Variants in SLC24A2 observed in about 807,000 individuals in gnomAD.
SLC24A2 encodes solute carrier family 24 member 2, also known as sodium/potassium/calcium exchanger 2.
SLC24A2 carries 36 observed loss-of-function variants against 62.0 expected under a neutral mutation model. The observed-to-expected ratio is 0.58, with a 90% CI of 0.44 to 0.77. The LOEUF is 0.77. Among genes scored for constraint, SLC24A2 ranks in the 30% least tolerant of loss-of-function variants. The pLI is 0.00. For synonymous variants in SLC24A2, 358 were observed against 294.0 expected (o/e 1.22, Z -2.23); for missense variants, 846 against 817.9 (o/e 1.03, Z -0.42).
chr9:20,082,139 C>T, the SLC24A2 span, among the ~76,000 whole-genome samples: 7 of 152,162 alleles, frequency 4.6e-5, no homozygotes, highest in Admixed American at 6.5e-5. Flanking sequence ...TTCCAGTTGA[C>T]TCAGATTTTA....
chr9:19,793,092 A>C (rs116928458), upstream of SLC24A2, among the ~76,000 whole-genome samples: 3,295 of 152,316 alleles, frequency 0.022, 37 homozygotes, highest in Admixed American at 0.035. Flanking sequence ...TGGCTAACAC[A>C]TATCTGTGGA....
At chr9:19,856,498 TTGTTGC>T in the SLC24A2 span, among the ~76,000 whole-genome samples, 2 of 151,874 alleles carry the variant, frequency 1.3e-5, no homozygotes, top group African/African-American at 4.9e-5. Flanking sequence ...TATGTTGTTG[TTGTTGC>T]TGTTTATCTG....
rs1457938737 is a variant in SLC24A2, at chr9:19,515,682, A to G, written c.*471T>C. 6.6e-6 allele frequency: 1 copy of G among 151,886 alleles called. No individual in the cohort carries two copies. The highest frequency in any genetic ancestry group is 2.4e-5 in the African/African-American group (1 of 41,314). 9.4% of individuals were successfully genotyped at this position (151,886 alleles called of 1,614,324 possible). ...TGAAAAGATGCATTTGTACTTTTAT[A>G]TATATCTGATTTTATATATATATAT... On this transcript the variant is annotated 3_prime_UTR_variant, in exon 11 of 11. Coordinates refer to ENST00000341998, the MANE Select transcript of SLC24A2 (RefSeq NM_020344.4).
At chr9:20,176,805 C>G in the SLC24A2 span, among the ~76,000 whole-genome samples, 1 of 151,964 alleles carries the variant, frequency 6.6e-6, no homozygotes, top group Non-Finnish European at 1.5e-5. Context: ...ATACAAAAAG[C>G]AAGTTGAAAA....
the SLC24A2 span, among the ~76,000 whole-genome samples, chr9:19,819,383 A>G: frequency 1.3e-5 from 2 of 152,196 alleles, no homozygotes; most frequent in African/African-American, 4.8e-5. Context: ...TTGCACGGCA[A>G]AGGGAACAGT....
At chr9:19,751,632 A>G (rs1459545954) in intron 2 of SLC24A2, among the ~76,000 whole-genome samples, 2 of 152,200 alleles carry the variant, frequency 1.3e-5, no homozygotes, top group African/African-American at 4.8e-5. Flanking sequence ...GGATGCAGAC[A>G]TGGGGAGTAG....
At chr9:19,731,962 T>C (rs1200398305) in intron 2 of SLC24A2, among the ~76,000 whole-genome samples, 1 of 152,184 alleles carries the variant, frequency 6.6e-6, no homozygotes, top group East Asian at 1.9e-4. Context: ...GAAATGAGTA[T>C]GACAATATCT....
At chr9:20,231,668 T>A in the SLC24A2 span, among the ~76,000 whole-genome samples, 1 of 152,200 alleles carries the variant, frequency 6.6e-6, no homozygotes, top group African/African-American at 2.4e-5. Flanking sequence ...TATAAAATCA[T>A]GTCATCTGCA....
the SLC24A2 span, among the ~76,000 whole-genome samples, chr9:20,167,333 G>A: frequency 1.3e-5 from 2 of 152,054 alleles, no homozygotes; most frequent in Non-Finnish European, 2.9e-5. Flanking sequence ...TTTTAGGTTT[G>A]AGAAAATGAG....
chr9:20,169,420 G>C, the SLC24A2 span, among the ~76,000 whole-genome samples: 1 of 152,000 alleles, frequency 6.6e-6, no homozygotes, highest in Non-Finnish European at 1.5e-5. Context: ...TCTGAAGGAA[G>C]TGGATTGCTC....
intron 2 of SLC24A2, among the ~76,000 whole-genome samples, chr9:19,702,263 G>A (rs2118533117): frequency 6.6e-6 from 1 of 152,212 alleles, no homozygotes; most frequent in East Asian, 1.9e-4. Flanking sequence ...TACACTTGGT[G>A]CTCCTAAAAC....
chr9:20,087,742 G>A, the SLC24A2 span, among the ~76,000 whole-genome samples: 1 of 152,244 alleles, frequency 6.6e-6, no homozygotes, highest in Non-Finnish European at 1.5e-5. Context: ...CTCATGGAGA[G>A]AAATGGAAGG....
chr9:20,206,499 T>C, the SLC24A2 span, among the ~76,000 whole-genome samples: 1 of 152,152 alleles, frequency 6.6e-6, no homozygotes, highest in Non-Finnish European at 1.5e-5. Context: ...ATTATATTAT[T>C]ATTATTTTGA....
chr9:19,528,287 T>G (rs1833530098), intron 8 of SLC24A2, 149 bp from the exon 9 acceptor site: 2 of 691,210 alleles, frequency 2.9e-6, no homozygotes, highest in Non-Finnish European at 5.3e-6. Flanking sequence ...TACTCACTCC[T>G]GATCAAGCTG....
chr9:19,651,353 T>C (rs142555428), intron 2 of SLC24A2, among the ~76,000 whole-genome samples: 17 of 152,370 alleles, frequency 1.1e-4, no homozygotes, highest in Non-Finnish European at 2.1e-4. Flanking sequence ...TCCTATTTTA[T>C]GTACAAATAT....
At chr9:19,811,770 T>C in the SLC24A2 span, among the ~76,000 whole-genome samples, 5 of 152,196 alleles carry the variant, frequency 3.3e-5, no homozygotes, top group Admixed American at 6.5e-5. Context: ...TGTGCTTTTA[T>C]ATTTTATTTC....
the SLC24A2 span, among the ~76,000 whole-genome samples, chr9:20,074,098 C>G: frequency 6.6e-6 from 1 of 151,916 alleles, no homozygotes; most frequent in Non-Finnish European, 1.5e-5. Context: ...CTCAAGAATT[C>G]TCATTTGAAG....
At chr9:19,898,202 G>A in the SLC24A2 span, among the ~76,000 whole-genome samples, 26 of 152,314 alleles carry the variant, frequency 1.7e-4, 1 homozygote, top group Middle Eastern at 3.4e-3. Context: ...TTGCAAAGAA[G>A]CAGCTTGTGG....
intron 2 of SLC24A2, among the ~76,000 whole-genome samples, chr9:19,687,701 C>G (rs566968623): frequency 6.6e-6 from 1 of 152,020 alleles, no homozygotes; most frequent in Non-Finnish European, 1.5e-5. Context: ...TGGCTTTGAC[C>G]TTTGCATTCC....
Sources: allele counts gnomAD v4.1 joint callset (sites outside exome capture counted in the v4.1 genomes callset), GRCh38; gene constraint gnomAD v4.1.1; transcripts MANE v1.5; gene names NCBI Gene and HGNC (gene_info 2026-07-23, HGNC 2026-07-21).